Variants in MORC2 observed in about 807,000 individuals in gnomAD.
MORC2 encodes the protein ATPase MORC2.
In MORC2, 30 loss-of-function variants were observed where a neutral mutation model predicts 136.0. The ratio of observed to expected loss-of-function variants is 0.22; its 90% CI spans 0.17 to 0.30. The LOEUF is 0.30. Ranked by LOEUF, MORC2 falls within the 10% of genes least tolerant of loss-of-function variation. The pLI, the probability that MORC2 is intolerant of heterozygous loss-of-function variation, is 1.00. For synonymous variants in MORC2, 439 were observed against 487.0 expected, an observed-to-expected ratio of 0.90 and a Z score of 1.30; for missense variants, 922 against 1,333.1, an observed-to-expected ratio of 0.69 and a Z score of 4.80.
rs41279971 is a variant in MORC2 at position 30,932,942 on chromosome 22, C to G, written c.2469G>C (p.Arg823=). 11,834 of 1,614,190 alleles carry G rather than the reference C, an allele frequency of 7.3e-3. 80 individuals carry two copies. Among genetic ancestry groups the G allele is most frequent in the Middle Eastern group, 0.02 (123 of 6,062 alleles). Residue 823 remains arginine (R), a synonymous_variant, in exon 22 of 26, where the codon CGG becomes CGC. Transcript: ENST00000397641. This position sits in a 1 kb window ranked among gnomAD's most constrained non-coding sequence, Gnocchi z 4.4. The part of the protein sequence containing the change: ...TAVEVGKHVV[R]WKVKFDYVPT... Reference sequence around the variant, plus strand: ...GCACGTAGTCAAACTTCACCTTCCACCGCACCACATGCTTGCCCACCTCCA... The same window carrying G: ...GCACGTAGTCAAACTTCACCTTCCAGCGCACCACATGCTTGCCCACCTCCA...
chr22:30,963,462 C>T (rs1002794707), intron 1 of MORC2: 7 of 249,662 alleles, frequency 2.8e-5, no homozygotes, highest in Admixed American at 6.6e-5. Context: ...CTCAACTCAT[C>T]GCAACCTCTG....
chr22:30,939,214 A>T (rs1400810862), intron 12 of MORC2, among the ~76,000 whole-genome samples: 1 of 152,248 alleles, frequency 6.6e-6, no homozygotes, highest in African/African-American at 2.4e-5. Flanking sequence ...GAAAATGAAT[A>T]TGAAAAAATA....
chr22:30,960,262 C>T (rs923486981), intron 1 of MORC2, among the ~76,000 whole-genome samples: 8 of 152,242 alleles, frequency 5.3e-5, no homozygotes, highest in East Asian at 1.9e-4. Context: ...CCACCACACA[C>T]GGCCTACAAA....
At chr22:30,928,326 A>T in intron 24 of MORC2, 119 bp from the exon 25 acceptor site, 1 of 943,876 alleles carries the variant, frequency 1.1e-6, no homozygotes, top group East Asian at 2.6e-5. Flanking sequence ...CTGAAGGAAC[A>T]TCTTAGATAC....
chr22:30,940,770 C>G lies in MORC2; in HGVS notation c.892G>C (p.Val298Leu), dbSNP rs772766261. 3.7e-6 allele frequency: 6 copies of G among 1,614,094 alleles called. No individual in the cohort carries two copies. Among genetic ancestry groups the G allele is most frequent in the Non-Finnish European group, 5.1e-6 (6 of 1,179,982 alleles). Residue 298 changes from valine (V) to leucine (L), a missense_variant, in exon 10 of 26, where the codon GTA becomes CTA. Val to Leu is a conservative substitution (Grantham distance 32). Around this residue, in one of 9 missense-constraint regions of MORC2, gnomAD observed 261 missense variants for 354.3 expected, o/e 0.74. Coordinates refer to ENST00000397641, the MANE Select transcript of MORC2 (RefSeq NM_001303256.3). The stretch of plus-strand genomic sequence containing the variant: ...AGAGTGGCATTACCAATCCTTGCTA[C>G]GTGCTCTGCTTTCTTCACCTCCTGC... ...AEQEVKKAEH[V>L]ARIAEEKARE...
At chr22:30,949,888 C>A in intron 4 of MORC2, 46 bp from the exon 5 acceptor site, 1 of 1,568,584 alleles carries the variant, frequency 6.4e-7, no homozygotes, top group Admixed American at 1.7e-5. Context: ...GCATTTCTTT[C>A]CCAGGGTCCT....
chr22:30,937,834 A>G lies in MORC2; in HGVS notation c.1350T>C (p.Tyr450=), dbSNP rs1179060814. The G allele has an allele frequency of 1.2e-6, 2 of 1,614,120 alleles. No homozygotes were observed. Among genetic ancestry groups the G allele is most frequent in the East Asian group, 2.2e-5 (1 of 44,872 alleles). The change falls in exon 14 of 26, where the codon TAT becomes TAC. Residue 450 remains tyrosine (Y), a synonymous_variant. Coordinates refer to ENST00000397641, the MANE Select transcript of MORC2 (RefSeq NM_001303256.3). This position sits in a 1 kb window ranked among gnomAD's most constrained non-coding sequence, Gnocchi z 4.7. ...CATTACCGATGGCAATATCCTTCCA[A>G]TACTGCGCCAGGTGCTCCCCCATTG... ...LRAMGEHLAQ[Y]WKDIAIAQRG... is the part of the protein sequence containing the mutation.
At chr22:30,953,433 A>G (rs530393440) in intron 3 of MORC2, among the ~76,000 whole-genome samples, 1 of 152,338 alleles carries the variant, frequency 6.6e-6, no homozygotes, top group South Asian at 2.1e-4. Flanking sequence ...TGCAAGCCAG[A>G]CATTCTTCAT....
In MORC2 at chr22:30,932,487, T is replaced by C. The variant is rs766313848; in HGVS notation, c.2748-35A>G. The C allele has an allele frequency of 3.7e-6, 6 of 1,612,390 alleles. No individual in the cohort carries two copies. The East Asian group carries it at 1.1e-4, about 30-fold the overall frequency. Reference sequence around the variant, plus strand: ...GCAGGGACAGTAATTCAGAATGGCATGGAGCAGGCAGAGAGCTGCTGCTGG... The same window carrying C: ...GCAGGGACAGTAATTCAGAATGGCACGGAGCAGGCAGAGAGCTGCTGCTGG... On this transcript the variant is annotated intron_variant, in intron 23 of 25. Transcript: ENST00000397641. This position sits in a 1 kb window ranked among gnomAD's most constrained non-coding sequence, Gnocchi z 4.4.
At chr22:30,967,052 G>A (rs1283573293) in intron 1 of MORC2, 3 of 968,068 alleles carry the variant, frequency 3.1e-6, no homozygotes, top group African/African-American at 1.8e-5. Flanking sequence ...GTACTAGAAT[G>A]TTAGAACACT....
chr22:30,955,726 C>T (rs531500929), intron 3 of MORC2, among the ~76,000 whole-genome samples: 16 of 152,088 alleles, frequency 1.1e-4, no homozygotes, highest in Admixed American at 3.9e-4. Flanking sequence ...AGCTGTCTTC[C>T]GGCCAGGTGT....
intron 5 of MORC2, 76 bp from the exon 6 acceptor site, chr22:30,946,525 G>A (rs774817159): frequency 5.5e-5 from 72 of 1,306,088 alleles, no homozygotes; most frequent in Non-Finnish European, 6.0e-5. Context: ...AATCCACTCT[G>A]GACATGATTG....
At chr22:30,961,654 T>C (rs2041047184) in intron 1 of MORC2, among the ~76,000 whole-genome samples, 2 of 152,194 alleles carry the variant, frequency 1.3e-5, no homozygotes, top group African/African-American at 4.8e-5. Flanking sequence ...AGACCACATC[T>C]TGCATCAGAA....
At position 30,949,778 on chromosome 22, in the gene MORC2, A is replaced by T; in HGVS notation, c.291T>A (p.Ile97=). ...SAKRTPESTQ[I]GQYGNGLKSG... is the part of the protein sequence containing the mutation. ...ATTTTAACCCATTCCCGTACTGCCC[A>T]ATCTGAGTAGACTCAGGTGTTCGCT... is the stretch of plus-strand genomic sequence containing the variant. The change falls in exon 5 of 26, where the codon ATT becomes ATA. Residue 97 remains isoleucine (I), a synonymous_variant. Transcript: ENST00000397641. 1 of 1,614,192 alleles carries T rather than the reference A, an allele frequency of 6.2e-7. No individual in the cohort carries two copies. Among genetic ancestry groups the T allele is most frequent in the Non-Finnish European group, 8.5e-7 (1 of 1,180,020 alleles).
chr22:30,957,261 G>A (rs1452006256), intron 2 of MORC2, among the ~76,000 whole-genome samples: 5 of 152,172 alleles, frequency 3.3e-5, no homozygotes, highest in South Asian at 4.1e-4. Flanking sequence ...ATCACTTCTC[G>A]TGGTATACAC....
Position 30,935,076 on chromosome 22 carries a change from G to A in MORC2, c.1898C>T (p.Pro633Leu). 2.5e-6 allele frequency: 4 copies of A among 1,613,962 alleles called. No individual in the cohort carries two copies. The highest frequency in any genetic ancestry group is 1.1e-5 in the South Asian group (1 of 91,052). Reference protein sequence around the residue: ...RNAPSRPPSLPTPRPASQPRK... With the variant: ...RNAPSRPPSLLTPRPASQPRK... ...GGGCTGGCTGGCTGGTCTAGGAGTTGGCAAAGAAGGGGGTCTGCTGGGGGC... is the reference window on the plus strand; with the variant it reads ...GGGCTGGCTGGCTGGTCTAGGAGTTAGCAAAGAAGGGGGTCTGCTGGGGGC... Residue 633 changes from proline to leucine, a missense_variant, in exon 19 of 26, where the codon CCA (proline) becomes CTA (leucine). Physicochemically the swap from Pro to Leu is moderately conservative, Grantham distance 98 (BLOSUM62 -3). Transcript: ENST00000397641.
At position 30,928,099 on chromosome 22, in the gene MORC2, C is replaced by G; in HGVS notation, c.2950G>C (p.Glu984Gln). 7 of 1,614,110 alleles carry G rather than the reference C, an allele frequency of 4.3e-6. No homozygotes were observed. Among genetic ancestry groups the G allele is most frequent in the Non-Finnish European group, 5.9e-6 (7 of 1,180,032 alleles). Residue 984 changes from glutamate to glutamine, a missense_variant, in exon 25 of 26, where the codon GAG becomes CAG. Physicochemically the swap from Glu to Gln is conservative, Grantham distance 29. Coordinates refer to ENST00000397641, the MANE Select transcript of MORC2 (RefSeq NM_001303256.3). ...TCCTCCGTCTCGCGGAGCTTCCTCTCGGAGGTGCGCAGGCTTTCCTCGGAG... is the reference window on the plus strand; with the variant it reads ...TCCTCCGTCTCGCGGAGCTTCCTCTGGGAGGTGCGCAGGCTTTCCTCGGAG... ...KASEESLRTS[E>Q]RKLRETEEKL...
In MORC2 at chr22:30,932,311, G is replaced by T; in HGVS notation, c.2841+48C>A. ...AACAGTTACAACAAATGCAGGGGCA[G>T]GGGTGGGGGAATGAAGAGTGTGGAA... On this transcript the variant is annotated intron_variant, in intron 24 of 25. Transcript: ENST00000397641. The surrounding 1 kb of genome is among the most constrained non-coding windows in gnomAD (Gnocchi z 4.4). 7.0e-7 allele frequency: 1 copy of T among 1,438,432 alleles called. No homozygotes were observed. Among genetic ancestry groups the T allele is most frequent in the Non-Finnish European group, 9.7e-7 (1 of 1,031,588 alleles). The allele number at this position is 1,438,432 out of a possible 1,614,324, so 89.1% of individuals were successfully genotyped here.
At chr22:30,957,749 C>T (rs1269863641) in intron 2 of MORC2, among the ~76,000 whole-genome samples, 1 of 152,156 alleles carries the variant, frequency 6.6e-6, no homozygotes, top group Non-Finnish European at 1.5e-5. Context: ...AGGATTGAAA[C>T]AAAACAGGAG....
Sources: gnomAD v4.1 joint callset for allele counts (sites outside exome capture counted in the v4.1 genomes callset) on GRCh38, gnomAD v4.1.1 for gene constraint, gnomAD v4.1.1 regional missense constraint, Gnocchi (gnomAD v3.1) non-coding constraint, MANE v1.5 for transcripts, NCBI Gene and HGNC (gene_info 2026-07-23, HGNC 2026-07-21) for gene names.